ODAD1: variants seen among roughly 807,000 people sequenced by gnomAD.
ODAD1 encodes outer dynein arm-docking complex subunit 1.
Under a neutral mutation model 67.2 loss-of-function variants are expected in ODAD1, and 49 were observed. The observed-to-expected ratio is 0.73, with a 90% CI of 0.58 to 0.92. The LOEUF is 0.92. ODAD1 is among the 40% of genes least tolerant of loss of function. ODAD1 has a pLI of 0.00. For synonymous variants in ODAD1, 345 were observed against 393.7 expected, an observed-to-expected ratio of 0.88 and a Z score of 1.46; for missense variants, 897 against 953.7, an observed-to-expected ratio of 0.94 and a Z score of 0.78.
chr19:48,302,245 G>T (rs1173152456), intron 12 of ODAD1, among the ~76,000 whole-genome samples: 1 of 152,090 alleles, frequency 6.6e-6, no homozygotes, highest in Non-Finnish European at 1.5e-5. Flanking sequence ...GACCCTGGAT[G>T]GAGAGATAGA....
intron 7 of ODAD1, among the ~76,000 whole-genome samples, chr19:48,308,681 G>C (rs1447608507): frequency 1.3e-5 from 2 of 152,242 alleles, no homozygotes; most frequent in Non-Finnish European, 2.9e-5. Flanking sequence ...AGTTGGGATG[G>C]GAGCTCCCCG....
At chr19:48,312,964 G>A (rs960482775) in intron 5 of ODAD1, among the ~76,000 whole-genome samples, 3 of 152,172 alleles carry the variant, frequency 2.0e-5, no homozygotes, top group Admixed American at 6.6e-5. Context: ...TTATTGGGGT[G>A]TGCTCTGTCT....
chr19:48,308,766 C>T (rs1240691171), intron 7 of ODAD1, among the ~76,000 whole-genome samples: 13 of 151,988 alleles, frequency 8.6e-5, no homozygotes, highest in Non-Finnish European at 1.5e-5. Flanking sequence ...GGATCCCCGC[C>T]CTCCTGGGCG....
At chr19:48,297,956 T>C in intron 14 of ODAD1, 44 bp downstream of exon 14, 2 of 1,483,026 alleles carry the variant, frequency 1.3e-6, no homozygotes, top group East Asian at 2.3e-5. Context: ...TCTGCCCCCA[T>C]GGAAGCCCCG....
At chr19:48,319,298 A>C (rs1600876618) in intron 3 of ODAD1, 1 of 233,266 alleles carries the variant, frequency 4.3e-6, no homozygotes, top group Admixed American at 5.9e-5. Context: ...GTCTCTCTAC[A>C]CCCACAGCCA....
At position 48,317,824 on chromosome 19, in the gene ODAD1, G is replaced by A. The variant is rs541199058; in HGVS notation, c.360+563C>T. ...ACAGTGGCTCACGCCTGTAATCTCAGCACTTTGGGAGGCCGAGGTGGGCGG... is the reference window on the plus strand; with the variant it reads ...ACAGTGGCTCACGCCTGTAATCTCAACACTTTGGGAGGCCGAGGTGGGCGG... On this transcript the variant is annotated intron_variant, in intron 5 of 15. Coordinates refer to ENST00000674294, the MANE Select transcript of ODAD1 (RefSeq NM_001364171.2). 2.6e-5 allele frequency among the ~76,000 whole-genome samples: 4 copies of A among 152,088 alleles called. No individual in the cohort carries two copies. In the South Asian group the frequency reaches 8.3e-4, roughly 32 times the overall value.
intron 2 of ODAD1, 37 bp downstream of exon 2, chr19:48,320,734 CG>C: frequency 6.0e-6 from 1 of 165,990 alleles, no homozygotes; most frequent in Non-Finnish European, 1.3e-5. Context: ...TGGGCAGGGT[CG>C]GGGGAGTCCT....
intron 3 of ODAD1, chr19:48,319,695 T>C (rs115773393): frequency 0.014 from 2,215 of 152,922 alleles, 55 homozygotes; most frequent in African/African-American, 0.049. Flanking sequence ...ACCTGGCTAA[T>C]TTTATTTTAT....
intron 7 of ODAD1, 52 bp from the exon 8 acceptor site, chr19:48,306,375 C>A: frequency 6.8e-7 from 1 of 1,470,630 alleles, no homozygotes; most frequent in South Asian, 1.2e-5. Context: ...CCCCATTGCT[C>A]GAAGTCTTTC....
At chr19:48,297,741 A>G in intron 14 of ODAD1, 73 bp from the exon 15 acceptor site, 1 of 1,253,958 alleles carries the variant, frequency 8.0e-7, no homozygotes, top group Non-Finnish European at 1.1e-6. Flanking sequence ...TTCCTGCTAA[A>G]CCCCGGGAGC....
Position 48,303,112 on chromosome 19 carries a change from A to T in ODAD1, c.989-17T>A. ...GCTCCTCGACTGGGAGAGTTGGGCA[A>T]GGCGGGGCCCAGAGAGAGGGAGACA... On this transcript the variant is annotated splice_polypyrimidine_tract_variant and intron_variant, in intron 10 of 15. Transcript: ENST00000674294. 1.3e-6 allele frequency: 2 copies of T among 1,594,800 alleles called. No individual in the cohort carries two copies. The highest frequency in any genetic ancestry group is 2.2e-5 in the South Asian group (2 of 90,732).
intron 3 of ODAD1, 52 bp from the exon 4 acceptor site, chr19:48,318,864 C>G (rs1968970242): frequency 8.5e-7 from 1 of 1,171,566 alleles, no homozygotes; most frequent in Non-Finnish European, 1.2e-6. Flanking sequence ...CCACCAGCTC[C>G]TCCCAACCCA....
intron 12 of ODAD1, chr19:48,301,181 T>A (rs1399502328): frequency 6.6e-6 from 1 of 152,204 alleles, no homozygotes; most frequent in Non-Finnish European, 1.5e-5. Flanking sequence ...AAGGTGTGGA[T>A]CATCGGGGAC....
intron 3 of ODAD1, chr19:48,320,030 C>CCCTT: frequency 9.5e-7 from 1 of 1,051,942 alleles, no homozygotes; most frequent in South Asian, 2.6e-5. Context: ...TGTAGAAACA[C>CCCTT]CCTTCCTTCC....
intron 7 of ODAD1, among the ~76,000 whole-genome samples, chr19:48,307,686 G>T (rs8101250): frequency 0.19 from 28,431 of 151,812 alleles, 2,731 homozygotes; most frequent in Middle Eastern, 0.23. Flanking sequence ...GTGGTGGCAG[G>T]TGCCTGTAGT....
rs565387758 is a variant in ODAD1 at position 48,300,010 on chromosome 19, T to TA, written c.1241-1671dup. Among the ~76,000 whole-genome samples, 395 of 135,768 alleles carry TA rather than the reference T, an allele frequency of 2.9e-3. 8 individuals are homozygous for TA. Among genetic ancestry groups the TA allele is most frequent in the African/African-American group, 8.9e-3 (330 of 36,948 alleles). 89.1% of individuals were successfully genotyped at this position (135,768 alleles called of 152,430 possible). A position where few individuals can be genotyped will look rare whatever the true frequency, so the allele number is the denominator to read the frequency against. On this transcript the variant is annotated intron_variant, in intron 12 of 15. Transcript: ENST00000674294. ...GGACAACATAGTAAAATCCTATCTC[T>TA]AAAAAAAAAAAGGGCCGGGCACAGT... is the stretch of plus-strand genomic sequence containing the variant.
chr19:48,319,968 G>C (rs1000228674), intron 3 of ODAD1: 1 of 896,862 alleles, frequency 1.1e-6, no homozygotes, highest in Non-Finnish European at 1.3e-6. Flanking sequence ...CACCCCAAGA[G>C]TCAACAGTAC....
chr19:48,298,600 C>T (rs1968372259), intron 12 of ODAD1, among the ~76,000 whole-genome samples: 1 of 152,182 alleles, frequency 6.6e-6, no homozygotes, highest in South Asian at 2.1e-4. Flanking sequence ...GCAGAGCCAG[C>T]CTCATGAGTG....
chr19:48,315,621 C>A (rs919693193), intron 5 of ODAD1, among the ~76,000 whole-genome samples: 2 of 152,114 alleles, frequency 1.3e-5, no homozygotes, highest in African/African-American at 4.8e-5. Context: ...TAAAAGTTTC[C>A]TCATGCCCTT....
Sources: gnomAD v4.1 joint callset for allele counts (sites outside exome capture counted in the v4.1 genomes callset) on GRCh38, gnomAD v4.1.1 for gene constraint, MANE v1.5 for transcripts, NCBI Gene and HGNC (gene_info 2026-07-23, HGNC 2026-07-21) for gene names.